Variants in CHST11 observed in about 807,000 individuals in gnomAD.
The protein encoded by CHST11 is carbohydrate sulfotransferase 11.
A neutral mutation model predicts 30.4 loss-of-function variants in CHST11; 9 were observed. The ratio of observed to expected loss-of-function variants is 0.30; its 90% confidence interval spans 0.18 to 0.52. The LOEUF (loss-of-function observed/expected upper bound fraction) is 0.52. Among genes scored for constraint, CHST11 ranks in the 20% least tolerant of loss-of-function variants. The pLI, the probability that CHST11 is intolerant of heterozygous loss-of-function variation, is 0.97. For missense variants in CHST11, 348 were observed against 460.6 expected (o/e 0.76, Z 2.24); for synonymous variants, 152 against 187.8 (o/e 0.81, Z 1.56).
rs75438334 is a variant in CHST11, at chr12:104,737,137, C to T, written c.205-19812C>T. On this transcript the variant is annotated intron_variant, in intron 2 of 2. Coordinates refer to ENST00000303694, the MANE Select transcript of CHST11 (RefSeq NM_018413.6). ...GGAAAGGAAGTTAATCAGAACTTCC[C>T]GACTAAGAACTGAGTTCAATAATCA... Among the ~76,000 whole-genome samples, 4,427 of 152,286 alleles carry T rather than the reference C, an allele frequency of 0.029. 428 individuals carry two copies. The East Asian group carries it at 0.34, about 12-fold the overall frequency.
chr12:104,474,694 C>G (rs180772778), intron 1 of CHST11, among the ~76,000 whole-genome samples: 57 of 152,034 alleles, frequency 3.7e-4, no homozygotes, highest in African/African-American at 1.3e-3. Context: ...GAGGTCATTG[C>G]TGAGTGTTCG....
At chr12:104,571,403 T>G (rs561075851) in intron 1 of CHST11, among the ~76,000 whole-genome samples, 117 of 152,268 alleles carry the variant, frequency 7.7e-4, no homozygotes, top group African/African-American at 2.7e-3. Context: ...CCTCAGGTGA[T>G]CCGCCCGCTT....
chr12:104,684,161 C>T (rs914483314), intron 2 of CHST11, among the ~76,000 whole-genome samples: 2 of 152,190 alleles, frequency 1.3e-5, no homozygotes, highest in Non-Finnish European at 2.9e-5. Flanking sequence ...CAAAACTGTG[C>T]GTAGACGCAT....
intron 2 of CHST11, among the ~76,000 whole-genome samples, chr12:104,624,093 C>A (rs2039187983): frequency 6.6e-6 from 1 of 152,142 alleles, no homozygotes; most frequent in Non-Finnish European, 1.5e-5. Flanking sequence ...TGAGCGGAAT[C>A]TCAGAGAATG....
intron 2 of CHST11, among the ~76,000 whole-genome samples, chr12:104,656,804 AT>A (rs988762024): frequency 6.6e-6 from 1 of 151,766 alleles, no homozygotes; most frequent in Non-Finnish European, 1.5e-5. Context: ...CCAAATCCTT[AT>A]TTTTTTTGTT....
At chr12:104,743,354 A>C (rs1353263038) in intron 2 of CHST11, among the ~76,000 whole-genome samples, 1 of 152,190 alleles carries the variant, frequency 6.6e-6, no homozygotes, top group Non-Finnish European at 1.5e-5. Context: ...GGACTCCCAC[A>C]GTCTGGCTGG....
At chr12:104,742,993 G>A (rs951649452) in intron 2 of CHST11, among the ~76,000 whole-genome samples, 3 of 152,224 alleles carry the variant, frequency 2.0e-5, no homozygotes, top group African/African-American at 7.2e-5. Flanking sequence ...AGAAGATGAG[G>A]TGGGGGCTGC....
intron 1 of CHST11, among the ~76,000 whole-genome samples, chr12:104,469,639 G>A (rs10861220): frequency 0.06 from 9,193 of 152,242 alleles, 341 homozygotes; most frequent in South Asian, 0.16. Flanking sequence ...GGCTCTTCCT[G>A]TATAGGGGTC....
chr12:104,677,743 C>G (rs2039755648), intron 2 of CHST11, among the ~76,000 whole-genome samples: 1 of 152,220 alleles, frequency 6.6e-6, no homozygotes, highest in Non-Finnish European at 1.5e-5. Flanking sequence ...CCTTGGGTAC[C>G]ATGTTGCCAA....
intron 2 of CHST11, among the ~76,000 whole-genome samples, chr12:104,645,821 C>G (rs1402928162): frequency 2.0e-5 from 3 of 152,242 alleles, no homozygotes; most frequent in African/African-American, 7.2e-5. Context: ...CAGAGCACCA[C>G]TCTTTATCCT....
chr12:104,746,011 T>C (rs1374357746), intron 2 of CHST11, among the ~76,000 whole-genome samples: 1 of 152,198 alleles, frequency 6.6e-6, no homozygotes, highest in Non-Finnish European at 1.5e-5. Flanking sequence ...ATCCTTGTCT[T>C]GTGCTGGTTT....
intron 2 of CHST11, among the ~76,000 whole-genome samples, chr12:104,710,078 G>A (rs1019400484): frequency 6.6e-6 from 1 of 152,192 alleles, no homozygotes; most frequent in Non-Finnish European, 1.5e-5. Flanking sequence ...GCATGTGACT[G>A]TAGTCCCAGC....
intron 2 of CHST11, among the ~76,000 whole-genome samples, chr12:104,699,082 C>A (rs1243271837): frequency 6.6e-6 from 1 of 152,198 alleles, no homozygotes; most frequent in Admixed American, 6.5e-5. Flanking sequence ...GCATTAGAAT[C>A]CCCTGGAATG....
chr12:104,690,999 A>C (rs2039891428), intron 2 of CHST11, among the ~76,000 whole-genome samples: 1 of 152,202 alleles, frequency 6.6e-6, no homozygotes, highest in Non-Finnish European at 1.5e-5. Flanking sequence ...GCCTGAAAGA[A>C]TCCATTATTG....
chr12:104,686,180 T>C (rs73390104), intron 2 of CHST11, among the ~76,000 whole-genome samples: 11,285 of 140,036 alleles, frequency 0.081, 1,079 homozygotes, highest in African/African-American at 0.23. Flanking sequence ...TATAGTGAAC[T>C]ATGGTCCCAC....
intron 1 of CHST11, among the ~76,000 whole-genome samples, chr12:104,523,296 C>A (rs1286207600): frequency 7.9e-5 from 12 of 152,166 alleles, no homozygotes; most frequent in Admixed American, 7.9e-4. Flanking sequence ...TGGGAGAATT[C>A]TTTTCGCTTC....
intron 2 of CHST11, among the ~76,000 whole-genome samples, chr12:104,711,315 C>T (rs2136120599): frequency 6.6e-6 from 1 of 152,260 alleles, no homozygotes; most frequent in South Asian, 2.1e-4. Context: ...CTTTCTTGCC[C>T]TAACTCTTGC....
intron 2 of CHST11, among the ~76,000 whole-genome samples, chr12:104,625,746 CT>C: frequency 6.6e-6 from 1 of 152,322 alleles, no homozygotes; most frequent in South Asian, 2.1e-4. Flanking sequence ...CCATGTGAAC[CT>C]GTGATTTTGT....
Position 104,528,146 on chromosome 12 carries a change from G to C in CHST11, c.118+70617G>C, listed in dbSNP as rs118083819. Among the ~76,000 whole-genome samples, 23 of 152,312 alleles carry C rather than the reference G, an allele frequency of 1.5e-4. No individual in the cohort carries two copies. The East Asian group carries it at 3.9e-3, about 26-fold the overall frequency. The stretch of plus-strand genomic sequence containing the variant: ...TACAGGTATGTCCCAGATGATGATG[G>C]TTATGTCCGTGATAACACTAGTAAT... On this transcript the variant is annotated intron_variant, in intron 1 of 2. Transcript: ENST00000303694.
Sources: gnomAD v4.1 joint callset for allele counts (sites outside exome capture counted in the v4.1 genomes callset) on GRCh38, gnomAD v4.1.1 for gene constraint, MANE v1.5 for transcripts, NCBI Gene and HGNC (gene_info 2026-07-23, HGNC 2026-07-21) for gene names.